Variants in ABCA5 observed in about 807,000 individuals in gnomAD.
ABCA5 encodes the protein cholesterol transporter ABCA5.
A neutral mutation model predicts 206.0 loss-of-function variants in ABCA5; 163 were observed. The ratio of observed to expected loss-of-function variants is 0.79; its 90% CI spans 0.70 to 0.90. The LOEUF is 0.90. Among genes scored for constraint, ABCA5 ranks in the 40% least tolerant of loss-of-function variants. The pLI is 0.00. For synonymous variants in ABCA5, 609 were observed against 613.8 expected, an observed-to-expected ratio of 0.99 and a Z score of 0.11; for missense variants, 1,859 against 1,912.9, an observed-to-expected ratio of 0.97 and a Z score of 0.53.
intron 21 of ABCA5, 43 bp from the exon 22 acceptor site, chr17:69,270,793 C>T (rs751024383): frequency 3.6e-5 from 52 of 1,457,628 alleles, no homozygotes; most frequent in East Asian, 7.5e-5. Flanking sequence ...TGTATATAAG[C>T]GGATATATTA....
At chr17:69,256,096 C>G in intron 29 of ABCA5, 61 bp downstream of exon 29, 2 of 1,483,664 alleles carry the variant, frequency 1.3e-6, no homozygotes, top group South Asian at 1.4e-5. Context: ...AGATTAATTT[C>G]TATATACCGG....
intron 11 of ABCA5, among the ~76,000 whole-genome samples, chr17:69,293,422 G>A (rs1956053551): frequency 6.6e-6 from 1 of 152,156 alleles, no homozygotes; most frequent in South Asian, 2.1e-4. Flanking sequence ...ATCAAAGCCA[G>A]GGATGCTGCT....
At chr17:69,258,661 A>G (rs1447815412) in intron 28 of ABCA5, among the ~76,000 whole-genome samples, 2 of 152,138 alleles carry the variant, frequency 1.3e-5, no homozygotes, top group Non-Finnish European at 2.9e-5. Flanking sequence ...ATACCCAGCT[A>G]ACAAACATGC....
In ABCA5 at chr17:69,289,295, A is replaced by G. The variant is rs755424738; in HGVS notation, c.1784T>C (p.Val595Ala). ...GIPANNIIQE[V>A]QKVLLDLDMQ... ...GTCTAAATCTAGTAAAACCTTCTGC[A>G]CCTGTAAAAGTAAAGCATGAACAAT... The change falls in exon 14 of 39, where the codon GTG becomes GCG. Residue 595 changes from valine to alanine, a missense_variant and splice_region_variant. By Grantham distance (64) the Val-to-Ala change is moderately conservative. Coordinates refer to ENST00000392676, the MANE Select transcript of ABCA5 (RefSeq NM_172232.4). The G allele has an allele frequency of 1.3e-5, 21 of 1,565,780 alleles. No individual in the cohort carries two copies. The highest frequency in any genetic ancestry group is 1.9e-5 in the Admixed American group (1 of 51,432).
At chr17:69,293,858 G>A (rs1332030382) in intron 11 of ABCA5, among the ~76,000 whole-genome samples, 1 of 106,130 alleles carries the variant, frequency 9.4e-6, no homozygotes, top group African/African-American at 3.2e-5. Context: ...GTGTGTGTGT[G>A]TGTGTGTGTG....
rs769993464 is a variant in ABCA5, at chr17:69,271,277, C to T, written c.2777G>A (p.Ser926Asn). 1.9e-5 allele frequency: 31 copies of T among 1,610,254 alleles called. No homozygotes were observed. The highest frequency in any genetic ancestry group is 1.9e-4 in the South Asian group (17 of 90,310). Residue 926 changes from serine (S) to asparagine (N), a missense_variant, in exon 21 of 39, where the codon AGT becomes AAT. Transcript: ENST00000392676. ...GCTTGTGAAAAAGCTAATAAGATCA[C>T]TGATATCTGAGTCTGGTGTTAGAAA... is the stretch of plus-strand genomic sequence containing the variant. ...LLQNSADSDI[S>N]DLISFFTSQN...
chr17:69,260,632 CA>C (rs1239611223), intron 26 of ABCA5, among the ~76,000 whole-genome samples: 1 of 151,792 alleles, frequency 6.6e-6, no homozygotes, highest in African/African-American at 2.4e-5. Context: ...AAAAGGGAAG[CA>C]GGGGTAGTAG....
chr17:69,283,882 T>A, intron 18 of ABCA5, 71 bp downstream of exon 18: 1 of 1,434,928 alleles, frequency 7.0e-7, no homozygotes, highest in Non-Finnish European at 9.3e-7. Flanking sequence ...AAATTACATT[T>A]ATATAATTTT....
rs371487836 is a variant in ABCA5, at chr17:69,247,548, C to A, written c.4918G>T (p.Val1640Leu). 1.3e-6 allele frequency: 2 copies of A among 1,598,392 alleles called. No individual in the cohort carries two copies. Among genetic ancestry groups the A allele is most frequent in the Non-Finnish European group, 8.5e-7 (1 of 1,171,100 alleles). ...CGAACAATACAAATTCAAAATACTA[C>A]TCTATCTTCTTGTGTTCGTTCCCAC... ...LWWERTQEDR[V>L]VF The change falls in exon 39 of 39, where the codon GTA becomes TTA. Residue 1640 changes from valine to leucine, a missense_variant. Physicochemically the swap from Val to Leu is conservative, Grantham distance 32. Transcript: ENST00000392676.
chr17:69,258,558 G>A (rs1008759558), intron 28 of ABCA5, among the ~76,000 whole-genome samples: 6 of 152,088 alleles, frequency 3.9e-5, no homozygotes, highest in Non-Finnish European at 8.8e-5. Flanking sequence ...CCAAAAGGGG[G>A]TGGGGATAAG....
chr17:69,291,262 C>CTT lies in ABCA5; in HGVS notation c.1558_1559dup (p.Ser521ArgfsTer4), dbSNP rs751045722. ...CACAAAGAATATTCATCAATGTACT[C>CTT]TTTCCTGTTCCACTGTGGCCAAGTA... On this transcript the variant is annotated frameshift_variant, in exon 12 of 39. Coordinates refer to ENST00000392676, the MANE Select transcript of ABCA5 (RefSeq NM_172232.4). LOFTEE classifies it high-confidence loss of function. 18 of 1,611,296 alleles carry CTT rather than the reference C, an allele frequency of 1.1e-5. No individual in the cohort carries two copies. The highest frequency in any genetic ancestry group is 1.5e-5 in the Non-Finnish European group (18 of 1,178,366).
intron 18 of ABCA5, 133 bp downstream of exon 18, chr17:69,283,820 G>GTAAA (rs2144967421): frequency 6.3e-6 from 6 of 953,648 alleles, no homozygotes; most frequent in Non-Finnish European, 8.7e-6. Flanking sequence ...ATCACTATCA[G>GTAAA]TATCTCATTA....
rs1434039770 is a variant in ABCA5, at chr17:69,326,115, G to C, written c.-16+937C>G. On this transcript the variant is annotated intron_variant, in intron 1 of 38. Coordinates refer to ENST00000392676, the MANE Select transcript of ABCA5 (RefSeq NM_172232.4). The surrounding 1 kb of genome is among the most constrained non-coding windows in gnomAD (Gnocchi z 4.8). ...AATTAGGGTCTGGCAGCCCGGGTTGGAATCTCAACTCCATCCTTTTACTAG... is the reference window on the plus strand; with the variant it reads ...AATTAGGGTCTGGCAGCCCGGGTTGCAATCTCAACTCCATCCTTTTACTAG... 1.3e-5 allele frequency among the ~76,000 whole-genome samples: 2 copies of C among 152,146 alleles called. No individual in the cohort carries two copies. The highest frequency in any genetic ancestry group is 3.9e-4 in the East Asian group (2 of 5,192).
intron 1 of ABCA5, among the ~76,000 whole-genome samples, chr17:69,321,383 TC>T (rs1406166218): frequency 6.6e-6 from 1 of 152,106 alleles, no homozygotes; most frequent in Non-Finnish European, 1.5e-5. Context: ...AAAGGGGACA[TC>T]TATGAAGGGT....
At chr17:69,269,128 A>G (rs987545861) in intron 22 of ABCA5, among the ~76,000 whole-genome samples, 11 of 152,236 alleles carry the variant, frequency 7.2e-5, no homozygotes, top group Non-Finnish European at 1.2e-4. Context: ...TAGTATGATT[A>G]TATGTCAGTG....
At chr17:69,252,015 G>A in intron 34 of ABCA5, 149 bp from the exon 35 acceptor site, 1 of 432,594 alleles carries the variant, frequency 2.3e-6, no homozygotes, top group South Asian at 4.0e-5. Context: ...GCCCAACTAT[G>A]ATTTTTTTTT....
At chr17:69,270,942 C>G (rs1411428205) in intron 21 of ABCA5, among the ~76,000 whole-genome samples, 192 bp from the exon 22 acceptor site, 1 of 151,014 alleles carries the variant, frequency 6.6e-6, no homozygotes, top group Non-Finnish European at 1.5e-5. Flanking sequence ...ATATTTTAAA[C>G]AAGCATATAA....
At position 69,244,780 on chromosome 17, in the gene ABCA5, C is replaced by G. The variant is rs2074932706; in HGVS notation, c.*2757G>C. Reference sequence around the variant, plus strand: ...GTAACTAACAGAACAACAATAAAAACAATAATAACAACACTTATCCTAAGT... The same window carrying G: ...GTAACTAACAGAACAACAATAAAAAGAATAATAACAACACTTATCCTAAGT... On this transcript the variant is annotated 3_prime_UTR_variant, in exon 39 of 39. Transcript: ENST00000392676. 6.6e-6 allele frequency: 1 copy of G among 151,110 alleles called. No homozygotes were observed. Among genetic ancestry groups the G allele is most frequent in the African/African-American group, 2.4e-5 (1 of 41,266 alleles). 9.4% of individuals were successfully genotyped at this position (151,110 alleles called of 1,614,324 possible).
intron 4 of ABCA5, 105 bp downstream of exon 4, chr17:69,309,157 T>C (rs2075746456): frequency 1.9e-5 from 16 of 840,554 alleles, no homozygotes; most frequent in South Asian, 1.4e-4. Flanking sequence ...CAAGTAAGAA[T>C]AGTTGAAAAT....
Sources: allele counts gnomAD v4.1 joint callset (sites outside exome capture counted in the v4.1 genomes callset), GRCh38; gene constraint gnomAD v4.1.1; non-coding constraint Gnocchi (gnomAD v3.1); transcripts MANE v1.5; gene names NCBI Gene and HGNC (gene_info 2026-07-23, HGNC 2026-07-21).